Variants in RBM39 observed in about 807,000 individuals in gnomAD.
RBM39 encodes RNA-binding protein 39.
RBM39 carries 12 observed loss-of-function variants against 79.6 expected under a neutral mutation model. The observed-to-expected ratio is 0.15, with a 90% CI of 0.10 to 0.24. The LOEUF (loss-of-function observed/expected upper bound fraction) is 0.24. RBM39 is among the 10% of genes least tolerant of loss of function. The pLI, the probability that RBM39 is intolerant of heterozygous loss-of-function variation, is 1.00. For synonymous variants in RBM39, 185 were observed against 208.4 expected (o/e 0.89, Z 0.97); for missense variants, 243 against 653.4 (o/e 0.37, Z 6.85).
intron 4 of RBM39, among the ~76,000 whole-genome samples, chr20:35,730,046 T>G (rs985309642): frequency 6.6e-6 from 1 of 152,180 alleles, no homozygotes; most frequent in African/African-American, 2.4e-5. Flanking sequence ...GTGAATTCTT[T>G]AGTCATGCAA....
chr20:35,737,834 G>C (rs1221817666), intron 3 of RBM39, among the ~76,000 whole-genome samples: 1 of 105,498 alleles, frequency 9.5e-6, no homozygotes, highest in Non-Finnish European at 1.8e-5. Flanking sequence ...GGGCAACAGA[G>C]CAAGACTCCG....
At chr20:35,728,723 GC>G (rs2039034848) in intron 6 of RBM39, among the ~76,000 whole-genome samples, 1 of 151,916 alleles carries the variant, frequency 6.6e-6, no homozygotes, top group Non-Finnish European at 1.5e-5. Flanking sequence ...GTTGCAGTGA[GC>G]CGAGATCCCA....
intron 9 of RBM39, 33 bp from the exon 10 acceptor site, chr20:35,716,838 A>T (rs781752457): frequency 6.8e-7 from 1 of 1,460,470 alleles, no homozygotes; most frequent in Non-Finnish European, 9.5e-7. Flanking sequence ...CTATAACTTA[A>T]AAGCAGAGTA....
chr20:35,707,493 A>C, intron 13 of RBM39: 1 of 223,838 alleles, frequency 4.5e-6, no homozygotes, highest in Non-Finnish European at 8.9e-6. Flanking sequence ...ACAAAATCTC[A>C]ATACACATCA....
intron 9 of RBM39, among the ~76,000 whole-genome samples, chr20:35,719,375 T>C (rs2037605360): frequency 6.6e-6 from 1 of 152,090 alleles, no homozygotes; most frequent in Non-Finnish European, 1.5e-5. Context: ...GGAAGAGAGT[T>C]GAGTACTTGC....
At chr20:35,735,195 G>T in intron 3 of RBM39, 1 of 1,332,220 alleles carries the variant, frequency 7.5e-7, no homozygotes, top group South Asian at 1.9e-5. Flanking sequence ...CTTTTATTGA[G>T]TAATTCTCTA....
At chr20:35,725,719 A>G (rs2146636722) in intron 6 of RBM39, among the ~76,000 whole-genome samples, 1 of 148,016 alleles carries the variant, frequency 6.8e-6, no homozygotes, top group East Asian at 2.0e-4. Flanking sequence ...TTGGAGTGCA[A>G]CGGCGCCATC....
chr20:35,725,612 G>A (rs2038554258), intron 6 of RBM39, among the ~76,000 whole-genome samples: 1 of 151,074 alleles, frequency 6.6e-6, no homozygotes, highest in Non-Finnish European at 1.5e-5. Context: ...TCAGTAAACA[G>A]AGTAAGCTGT....
At position 35,713,263 on chromosome 20, in the gene RBM39, G is replaced by A. The variant is rs546678381; in HGVS notation, c.1097-167C>T. The A allele has an allele frequency of 1.3e-5, 7 of 523,960 alleles. No individual in the cohort carries two copies. In the East Asian group the frequency reaches 2.2e-4, roughly 17 times the overall value. 32.5% of individuals were successfully genotyped at this position (523,960 alleles called of 1,614,324 possible). A position where few individuals can be genotyped will look rare whatever the true frequency, so the allele number is the denominator to read the frequency against. On this transcript the variant is annotated intron_variant, in intron 11 of 16. Transcript: ENST00000253363. ...GCACTCTGGGAGGCCAAGGGAGGTG[G>A]TTCACTTAAATCCCAGAGATCGAGA... is the stretch of plus-strand genomic sequence containing the variant.
At chr20:35,706,710 A>C (rs2035769777) in intron 14 of RBM39, among the ~76,000 whole-genome samples, 1 of 152,180 alleles carries the variant, frequency 6.6e-6, no homozygotes, top group South Asian at 2.1e-4. Flanking sequence ...AAAAGGATCA[A>C]AACTATGCAG....
chr20:35,734,968 T>C (rs766579504), intron 3 of RBM39: 15 of 1,608,784 alleles, frequency 9.3e-6, no homozygotes, highest in Non-Finnish European at 1.3e-5. Context: ...AATGGTCCAC[T>C]GGGCTGGGCC....
At chr20:35,737,368 C>A (rs1371976450) in intron 3 of RBM39, among the ~76,000 whole-genome samples, 3 of 125,630 alleles carry the variant, frequency 2.4e-5, no homozygotes, top group East Asian at 4.6e-4. Flanking sequence ...CCAGCCTGGG[C>A]AACAGACTGA....
chr20:35,704,475 C>T lies in RBM39; in HGVS notation c.*6G>A, dbSNP rs766653627. On this transcript the variant is annotated 3_prime_UTR_variant, in exon 17 of 17. Coordinates refer to ENST00000253363, the MANE Select transcript of RBM39 (RefSeq NM_184234.3). ...AAGCTATATACATAAGGGACTATAT[C>T]TTCCTTCATCGTCTACTTGGAACCA... The T allele has an allele frequency of 4.4e-6, 7 of 1,585,644 alleles. No homozygotes were observed. In the East Asian group the frequency reaches 1.3e-4, roughly 30 times the overall value.
At chr20:35,734,759 A>C in intron 3 of RBM39, 1 of 1,261,976 alleles carries the variant, frequency 7.9e-7, no homozygotes, top group South Asian at 2.4e-5. Context: ...CAGAAAATAC[A>C]ATCTTTTGCA....
chr20:35,738,838 A>G (rs947329527), intron 3 of RBM39, 130 bp downstream of exon 3: 2 of 822,340 alleles, frequency 2.4e-6, no homozygotes, highest in Non-Finnish European at 3.8e-6. Flanking sequence ...GCAAAGAACC[A>G]ATTTTCTAAA....
intron 11 of RBM39, 108 bp downstream of exon 11, chr20:35,714,077 A>G (rs2036810277): frequency 1.7e-5 from 19 of 1,095,246 alleles, no homozygotes; most frequent in Non-Finnish European, 2.4e-5. Flanking sequence ...GATAACGCCA[A>G]CTACAAAATA....
rs762118835 is a variant in RBM39 at position 35,732,137 on chromosome 20, T to G, written c.102-2A>C. On this transcript the variant is annotated splice_acceptor_variant, in intron 3 of 16. Coordinates refer to ENST00000253363, the MANE Select transcript of RBM39 (RefSeq NM_184234.3). LOFTEE classifies it high-confidence loss of function. ...CTTCTGCTCTTGCTTTTTTTCCTCC[T>G]GAGAAGAAAAAAACTCGCCATTATC... The G allele has an allele frequency of 1.9e-6, 3 of 1,613,872 alleles. No homozygotes were observed. The highest frequency in any genetic ancestry group is 2.5e-6 in the Non-Finnish European group (3 of 1,179,942).
At chr20:35,721,056 T>C (rs964367853) in intron 9 of RBM39, among the ~76,000 whole-genome samples, 1 of 152,150 alleles carries the variant, frequency 6.6e-6, no homozygotes, top group South Asian at 2.1e-4. Context: ...TTCTGCTGCC[T>C]CGGCCTCCCG....
At chr20:35,707,658 G>C (rs1405338785) in intron 13 of RBM39, 1 of 191,308 alleles carries the variant, frequency 5.2e-6, no homozygotes, top group East Asian at 1.7e-4. Context: ...AATTATTAAA[G>C]AATTAAGACA....
Sources: gnomAD v4.1 joint callset for allele counts (sites outside exome capture counted in the v4.1 genomes callset) on GRCh38, gnomAD v4.1.1 for gene constraint, MANE v1.5 for transcripts, NCBI Gene and HGNC (gene_info 2026-07-23, HGNC 2026-07-21) for gene names.